CTIF: variants seen among roughly 807,000 people sequenced by gnomAD.
CTIF encodes cap binding complex dependent translation initiation factor, also known as CBP80/20-dependent translation initiation factor.
Under a neutral mutation model 66.0 loss-of-function variants are expected in CTIF, and 21 were observed. The observed-to-expected ratio is 0.32, with a 90% CI of 0.23 to 0.46. CTIF has a LOEUF of 0.46. Ranked by LOEUF, CTIF falls within the 20% of genes least tolerant of loss-of-function variation. The pLI is 1.00. For missense variants in CTIF, 739 were observed against 812.7 expected (o/e 0.91, Z 1.10); for synonymous variants, 345 against 326.4 (o/e 1.06, Z -0.62).
intron 4 of CTIF, among the ~76,000 whole-genome samples, chr18:48,664,026 G>A (rs1042408029): frequency 1.1e-4 from 17 of 152,182 alleles, no homozygotes; most frequent in Admixed American, 9.2e-4. Flanking sequence ...GCATGGGGAG[G>A]GCCCCCGGGA....
At chr18:48,580,920 C>A (rs1276969269) in intron 1 of CTIF, among the ~76,000 whole-genome samples, 1 of 152,230 alleles carries the variant, frequency 6.6e-6, no homozygotes, top group African/African-American at 2.4e-5. Flanking sequence ...TCAACTATTC[C>A]ACTAGCTGCA....
chr18:48,759,633 A>T (rs181004725), intron 8 of CTIF, among the ~76,000 whole-genome samples: 1 of 152,344 alleles, frequency 6.6e-6, no homozygotes, highest in Non-Finnish European at 1.5e-5. Context: ...CCTGAGCCCC[A>T]GTTACTCATC....
At chr18:48,590,125 C>T (rs1056555932) in intron 1 of CTIF, among the ~76,000 whole-genome samples, 8 of 152,176 alleles carry the variant, frequency 5.3e-5, no homozygotes, top group African/African-American at 1.2e-4. Context: ...GGTGCGGGGG[C>T]GTGGTGGTAT....
intron 6 of CTIF, among the ~76,000 whole-genome samples, chr18:48,694,354 G>T (rs1207595743): frequency 6.6e-6 from 1 of 152,246 alleles, no homozygotes; most frequent in African/African-American, 2.4e-5. Context: ...GCAGGGAGGG[G>T]ATGAGAGCTG....
In CTIF at chr18:48,619,323, G is replaced by C. The variant is rs140594996; in HGVS notation, c.-28-215G>C. On this transcript the variant is annotated intron_variant, in intron 1 of 11. Coordinates refer to ENST00000256413, the MANE Select transcript of CTIF (RefSeq NM_014772.3). ...TCAGACAAGTGGCCTGCATTCCCTG[G>C]GCCTCAGTCTCCTGCCCTACACAGT... is the stretch of plus-strand genomic sequence containing the variant. Among the ~76,000 whole-genome samples, 4 of 152,302 alleles carry C rather than the reference G, an allele frequency of 2.6e-5. No homozygotes were observed. The East Asian group carries it at 7.7e-4, about 29-fold the overall frequency.
chr18:48,775,313 C>T (rs1163657044), intron 9 of CTIF, among the ~76,000 whole-genome samples: 1 of 152,274 alleles, frequency 6.6e-6, no homozygotes, highest in Non-Finnish European at 1.5e-5. Context: ...TAAGACTCCT[C>T]CTCCAGGAGA....
chr18:48,581,024 C>T (rs1048822087), intron 1 of CTIF, among the ~76,000 whole-genome samples: 1 of 152,242 alleles, frequency 6.6e-6, no homozygotes, highest in African/African-American at 2.4e-5. Context: ...GCTGTCTTCT[C>T]TCCATTTAGC....
intron 3 of CTIF, among the ~76,000 whole-genome samples, chr18:48,657,251 C>T (rs2091260326): frequency 6.6e-6 from 1 of 152,200 alleles, no homozygotes. Context: ...GAGTTAACAT[C>T]CACTGAAGAA....
intron 6 of CTIF, among the ~76,000 whole-genome samples, chr18:48,684,336 C>A (rs1479368616): frequency 6.6e-6 from 1 of 152,168 alleles, no homozygotes; most frequent in Admixed American, 6.5e-5. Flanking sequence ...CAGCTTTCTA[C>A]CCCCTGCGTC....
chr18:48,681,008 G>T (rs1414225863), intron 6 of CTIF, among the ~76,000 whole-genome samples: 1 of 152,204 alleles, frequency 6.6e-6, no homozygotes, highest in Admixed American at 6.5e-5. Context: ...TTTGTGAATG[G>T]GCCTCGGCTC....
chr18:48,823,354 A>G (rs917411286), intron 10 of CTIF, among the ~76,000 whole-genome samples: 50 of 152,234 alleles, frequency 3.3e-4, no homozygotes, highest in Non-Finnish European at 7.3e-5. Flanking sequence ...ATGGTATGAA[A>G]TAAGAGTATA....
intron 3 of CTIF, chr18:48,662,221 G>C (rs559807519): frequency 1.9e-4 from 29 of 152,668 alleles, no homozygotes; most frequent in African/African-American, 6.7e-4. Context: ...ATGGTCAGGA[G>C]CAAAGGGGAT....
At chr18:48,729,709 G>A (rs1269512558) in intron 7 of CTIF, among the ~76,000 whole-genome samples, 1 of 152,238 alleles carries the variant, frequency 6.6e-6, no homozygotes, top group African/African-American at 2.4e-5. Context: ...ACCCACTTGG[G>A]GATCCGTGGT....
chr18:48,601,494 G>A (rs1460853115), intron 1 of CTIF, among the ~76,000 whole-genome samples: 2 of 152,216 alleles, frequency 1.3e-5, no homozygotes, highest in Non-Finnish European at 2.9e-5. Flanking sequence ...AGAGTTATAT[G>A]AGTCTGAGAA....
intron 5 of CTIF, 139 bp from the exon 6 acceptor site, chr18:48,670,530 A>C: frequency 2.9e-6 from 2 of 699,228 alleles, no homozygotes; most frequent in Non-Finnish European, 2.5e-6. Flanking sequence ...TGTTTCCTCT[A>C]GGTGGGACAG....
chr18:48,710,552 G>A (rs897909066), intron 6 of CTIF, among the ~76,000 whole-genome samples: 4 of 152,232 alleles, frequency 2.6e-5, no homozygotes, highest in African/African-American at 4.8e-5. Context: ...TTTTCTGTTG[G>A]AGGAGGGATG....
At chr18:48,742,621 G>A (rs1313384625) in intron 7 of CTIF, among the ~76,000 whole-genome samples, 1 of 152,244 alleles carries the variant, frequency 6.6e-6, no homozygotes, top group East Asian at 1.9e-4. Flanking sequence ...GCCTTGCTCT[G>A]TGTCAGAGCC....
chr18:48,613,511 C>T (rs574515906), intron 1 of CTIF, among the ~76,000 whole-genome samples: 7 of 152,128 alleles, frequency 4.6e-5, no homozygotes, highest in South Asian at 4.2e-4. Flanking sequence ...GGGGAGGGGA[C>T]GCTAGTGTGG....
chr18:48,853,548 G>A (rs1165458244), intron 10 of CTIF, among the ~76,000 whole-genome samples: 1 of 152,150 alleles, frequency 6.6e-6, no homozygotes, highest in African/African-American at 2.4e-5. Context: ...GCAGTTTAAG[G>A]CCCACCTCTG....
Sources: allele counts gnomAD v4.1 joint callset (sites outside exome capture counted in the v4.1 genomes callset), GRCh38; gene constraint gnomAD v4.1.1; transcripts MANE v1.5; gene names NCBI Gene and HGNC (gene_info 2026-07-23, HGNC 2026-07-21).